The following SLC24A2 variants were observed in gnomAD, a reference collection of about 807,000 sequenced individuals.
The protein encoded by SLC24A2 is solute carrier family 24 member 2.
In SLC24A2, 36 loss-of-function variants were observed where a neutral mutation model predicts 62.0. The observed-to-expected ratio is 0.58, with a 90% CI of 0.44 to 0.77. The LOEUF (loss-of-function observed/expected upper bound fraction) is 0.77. SLC24A2 is among the 30% of genes least tolerant of loss of function. The pLI is 0.00. For synonymous variants in SLC24A2, 358 were observed against 294.0 expected (o/e 1.22, Z -2.23); for missense variants, 846 against 817.9 (o/e 1.03, Z -0.42).
At chr9:19,601,984 A>G (rs1482927480) in intron 4 of SLC24A2, among the ~76,000 whole-genome samples, 1 of 152,236 alleles carries the variant, frequency 6.6e-6, no homozygotes, top group Non-Finnish European at 1.5e-5. Context: ...TCCCATACAT[A>G]GTACTCTTCT....
At chr9:19,642,044 T>G (rs1033760078) in intron 2 of SLC24A2, among the ~76,000 whole-genome samples, 1 of 151,866 alleles carries the variant, frequency 6.6e-6, no homozygotes, top group African/African-American at 2.4e-5. Flanking sequence ...GAGCAGTCGT[T>G]GGGAGGGAGG....
intron 2 of SLC24A2, among the ~76,000 whole-genome samples, chr9:19,784,127 G>C (rs763297663): frequency 6.6e-6 from 1 of 152,102 alleles, no homozygotes; most frequent in African/African-American, 2.4e-5. Context: ...AATGACATAA[G>C]TCACCTAATT....
At chr9:19,940,152 T>C in the SLC24A2 span, among the ~76,000 whole-genome samples, 346 of 152,344 alleles carry the variant, frequency 2.3e-3, 1 homozygote, top group African/African-American at 3.2e-3. Context: ...ACCGCTTGCA[T>C]TGTTTTCCTT....
the SLC24A2 span, among the ~76,000 whole-genome samples, chr9:19,943,105 T>C: frequency 1.3e-5 from 2 of 152,208 alleles, no homozygotes; most frequent in African/African-American, 4.8e-5. Context: ...ATATTTTAAA[T>C]GATGACATTT....
chr9:20,064,077 T>G, the SLC24A2 span, among the ~76,000 whole-genome samples: 17 of 152,190 alleles, frequency 1.1e-4, no homozygotes, highest in Admixed American at 3.9e-4. Flanking sequence ...AACCCAAGTG[T>G]CTAACAATCT....
At chr9:19,653,868 A>G (rs1331556348) in intron 2 of SLC24A2, among the ~76,000 whole-genome samples, 3 of 152,168 alleles carry the variant, frequency 2.0e-5, no homozygotes. Flanking sequence ...CTCAGAGCCA[A>G]GGTGTTTTGT....
chr9:19,922,415 T>A, the SLC24A2 span, among the ~76,000 whole-genome samples: 2 of 152,192 alleles, frequency 1.3e-5, no homozygotes, highest in African/African-American at 4.8e-5. Context: ...ATGCACCCTA[T>A]TTATTTTCCT....
chr9:20,039,321 T>C, the SLC24A2 span, among the ~76,000 whole-genome samples: 74,199 of 151,776 alleles, frequency 0.49, 18,694 homozygotes, highest in East Asian at 0.75. Context: ...GTGGGGCAGA[T>C]GAAGACGACC....
intron 5 of SLC24A2, among the ~76,000 whole-genome samples, chr9:19,588,978 T>A (rs1469179946): frequency 2.6e-5 from 4 of 152,134 alleles, no homozygotes; most frequent in Non-Finnish European, 5.9e-5. Context: ...AAATTTGCTG[T>A]CTGAGGCTCT....
intron 2 of SLC24A2, among the ~76,000 whole-genome samples, chr9:19,708,126 G>A (rs1015817628): frequency 1.3e-5 from 2 of 152,112 alleles, no homozygotes; most frequent in Non-Finnish European, 2.9e-5. Flanking sequence ...CAAACAGAGA[G>A]CCAAATCATG....
intron 2 of SLC24A2, among the ~76,000 whole-genome samples, chr9:19,686,710 T>C (rs962656703): frequency 2.0e-5 from 3 of 152,164 alleles, no homozygotes; most frequent in African/African-American, 7.2e-5. Context: ...ACCATGATTA[T>C]AAGTTTTCCA....
chr9:19,886,984 T>A, the SLC24A2 span, among the ~76,000 whole-genome samples: 1 of 152,096 alleles, frequency 6.6e-6, no homozygotes, highest in East Asian at 1.9e-4. Flanking sequence ...TTCTCACTTA[T>A]AAGTGGGAGC....
chr9:19,622,991 C>T (rs993895253), intron 2 of SLC24A2, among the ~76,000 whole-genome samples: 5 of 152,170 alleles, frequency 3.3e-5, no homozygotes, highest in African/African-American at 1.2e-4. Flanking sequence ...AAAGAGAAGT[C>T]TCTGTCCAGT....
chr9:20,297,084 T>C, the SLC24A2 span, among the ~76,000 whole-genome samples: 7 of 152,302 alleles, frequency 4.6e-5, no homozygotes, highest in African/African-American at 1.7e-4. Flanking sequence ...CATTCAGGAT[T>C]ATGGTGTTTG....
At chr9:19,963,849 C>G in the SLC24A2 span, among the ~76,000 whole-genome samples, 3 of 152,194 alleles carry the variant, frequency 2.0e-5, no homozygotes, top group East Asian at 1.9e-4. Context: ...TACCATTTGA[C>G]CCAGCCATCC....
chr9:19,982,412 T>C, the SLC24A2 span, among the ~76,000 whole-genome samples: 1 of 151,962 alleles, frequency 6.6e-6, no homozygotes, highest in African/African-American at 2.4e-5. Flanking sequence ...TAAACAGGAG[T>C]TTACATTTTA....
At chr9:19,921,383 C>T in the SLC24A2 span, among the ~76,000 whole-genome samples, 2 of 151,890 alleles carry the variant, frequency 1.3e-5, no homozygotes, top group East Asian at 1.9e-4. Flanking sequence ...ATTACCCAGG[C>T]ATGGTGGCGG....
chr9:19,634,942 G>C (rs1017524193), intron 2 of SLC24A2, among the ~76,000 whole-genome samples: 1 of 152,160 alleles, frequency 6.6e-6, no homozygotes, highest in Non-Finnish European at 1.5e-5. Flanking sequence ...CTCAATTTTT[G>C]CTGATGAAGT....
the SLC24A2 span, among the ~76,000 whole-genome samples, chr9:19,990,922 G>GATATATATATGTATATATATATAT: frequency 8.3e-6 from 1 of 120,812 alleles, no homozygotes; most frequent in African/African-American, 3.6e-5. Context: ...GGACTAATAG[G>GATATATATATGTATATATATATAT]ATATATATAT....
Sources: gnomAD v4.1 joint callset for allele counts (sites outside exome capture counted in the v4.1 genomes callset) on GRCh38, gnomAD v4.1.1 for gene constraint, MANE v1.5 for transcripts, NCBI Gene and HGNC (gene_info 2026-07-23, HGNC 2026-07-21) for gene names.